CHD1L: variants seen among roughly 807,000 people sequenced by gnomAD.
The protein encoded by CHD1L is ATP-dependent chromatin remodeler CHD1L.
Under a neutral mutation model 115.9 loss-of-function variants are expected in CHD1L, and 118 were observed. The observed-to-expected ratio is 1.02, with a 90% CI of 0.88 to 1.19. The LOEUF is 1.19. Ranked by LOEUF, CHD1L falls within the 50% of genes most tolerant of loss-of-function variation. The pLI is 0.00. For missense variants in CHD1L, 1,179 were observed against 1,065.3 expected (o/e 1.11, Z -1.49); for synonymous variants, 411 against 387.1 (o/e 1.06, Z -0.72).
intron 1 of CHD1L, among the ~76,000 whole-genome samples, chr1:147,245,376 G>T (rs770792636): frequency 6.6e-6 from 1 of 152,162 alleles, no homozygotes. Context: ...TTGTTATCAT[G>T]GATTGTGGCT....
At chr1:147,234,185 T>C in the CHD1L span, among the ~76,000 whole-genome samples, 1 of 152,220 alleles carries the variant, frequency 6.6e-6, no homozygotes, top group Non-Finnish European at 1.5e-5. Context: ...GATTCTCTGT[T>C]GGATTACCAA....
the CHD1L span, among the ~76,000 whole-genome samples, chr1:147,230,843 A>T: frequency 2.0e-5 from 3 of 149,990 alleles, no homozygotes; most frequent in African/African-American, 7.4e-5. Flanking sequence ...TTTCTGTGGG[A>T]TTGGTGGTGA....
chr1:147,294,088 GAGTTT>G (rs1412623572), intron 21 of CHD1L, among the ~76,000 whole-genome samples: 1 of 152,152 alleles, frequency 6.6e-6, no homozygotes, highest in East Asian at 1.9e-4. Flanking sequence ...GACAAAAATT[GAGTTT>G]AGTTTTGTTT....
chr1:147,256,597 A>C (rs782390407), intron 5 of CHD1L, 35 bp downstream of exon 5: 2 of 1,588,614 alleles, frequency 1.3e-6, no homozygotes, highest in South Asian at 2.2e-5. Context: ...ACTTGGGTTG[A>C]ATGTATTATG....
chr1:147,280,035 A>G lies in CHD1L; in HGVS notation c.1549A>G (p.Ile517Val). ...GTTTCCTCTATTCAAGTTGAGTGAG[A>G]TACTCAAATTTGGTTTGGATAAACT... is the stretch of plus-strand genomic sequence containing the variant. ...AADADLQLSE[I>V]LKFGLDKLLA... is the part of the protein sequence containing the mutation. The change falls in exon 15 of 23, where the codon ATA becomes GTA. Residue 517 changes from isoleucine to valine, a missense_variant. Transcript: ENST00000369258. 3 of 1,613,908 alleles carry G rather than the reference A, an allele frequency of 1.9e-6. No individual in the cohort carries two copies. The highest frequency in any genetic ancestry group is 1.1e-5 in the South Asian group (1 of 91,068).
At chr1:147,252,500 A>T in intron 1 of CHD1L, 123 bp from the exon 2 acceptor site, 1 of 651,190 alleles carries the variant, frequency 1.5e-6, no homozygotes, top group Admixed American at 2.8e-5. Context: ...AGCAAAAGAT[A>T]CGTCCAGTGA....
intron 14 of CHD1L, among the ~76,000 whole-genome samples, chr1:147,279,481 C>T (rs913757106): frequency 1.3e-5 from 2 of 152,112 alleles, no homozygotes; most frequent in African/African-American, 2.4e-5. Context: ...AAAAGGCCTT[C>T]GGGTCTGGTG....
At chr1:147,191,432 C>G in the CHD1L span, among the ~76,000 whole-genome samples, 1 of 152,034 alleles carries the variant, frequency 6.6e-6, no homozygotes, top group Non-Finnish European at 1.5e-5. Context: ...CTCTGATGGC[C>G]AGCGATGATG....
At chr1:147,266,768 T>A (rs782202688) in intron 8 of CHD1L, among the ~76,000 whole-genome samples, 3 of 152,168 alleles carry the variant, frequency 2.0e-5, no homozygotes, top group Non-Finnish European at 2.9e-5. Context: ...AAGTTCTCAA[T>A]AAAAAAATGA....
the CHD1L span, among the ~76,000 whole-genome samples, chr1:147,193,036 G>A: frequency 3.9e-4 from 59 of 152,248 alleles, no homozygotes; most frequent in African/African-American, 1.1e-3. Context: ...AATGAGTTAG[G>A]GAAGATTCCT....
chr1:147,190,395 TACC>T, the CHD1L span: 6 of 565,446 alleles, frequency 1.1e-5, no homozygotes, highest in South Asian at 7.1e-5. Context: ...TTGATCACCT[TACC>T]ACCACCACAA....
the CHD1L span, among the ~76,000 whole-genome samples, chr1:147,206,816 GACAAGTTA>G: frequency 3.4e-5 from 1 of 29,228 alleles, no homozygotes; most frequent in African/African-American, 8.3e-4. Flanking sequence ...TGATGTAAAT[GACAAGTTA>G]ATGGATGTAA....
At chr1:147,271,277 A>G (rs1447043770) in intron 11 of CHD1L, among the ~76,000 whole-genome samples, 7 of 152,184 alleles carry the variant, frequency 4.6e-5, no homozygotes, top group Admixed American at 3.3e-4. Context: ...TGTTGTGGAA[A>G]TGTTTTTGAA....
chr1:147,178,076 C>T, the CHD1L span: 710 of 1,283,126 alleles, frequency 5.5e-4, 10 homozygotes, highest in Middle Eastern at 0.027. Context: ...CCAGTCGAGC[C>T]GCGACCCTTC....
At chr1:147,173,661 T>A in the CHD1L span, 2 of 152,232 alleles carry the variant, frequency 1.3e-5, no homozygotes, top group Admixed American at 1.3e-4. Context: ...TATAAGTATT[T>A]GCATGTCTCC....
At chr1:147,202,606 C>G in the CHD1L span, among the ~76,000 whole-genome samples, 2 of 152,150 alleles carry the variant, frequency 1.3e-5, no homozygotes, top group Non-Finnish European at 2.9e-5. Context: ...GCGTGAGCCA[C>G]AGCACCTGGC....
chr1:147,288,505 G>A (rs1426547145), intron 19 of CHD1L, among the ~76,000 whole-genome samples: 1 of 151,676 alleles, frequency 6.6e-6, no homozygotes, highest in African/African-American at 2.4e-5. Context: ...ATATGGCAAA[G>A]CCCTGTCTCT....
intron 12 of CHD1L, among the ~76,000 whole-genome samples, chr1:147,272,860 G>C (rs1676773753): frequency 6.7e-6 from 1 of 148,782 alleles, no homozygotes; most frequent in South Asian, 2.1e-4. Flanking sequence ...TTTGAAATCA[G>C]CTCTTGGAGA....
chr1:147,190,823 T>A, the CHD1L span, among the ~76,000 whole-genome samples: 1 of 151,948 alleles, frequency 6.6e-6, no homozygotes, highest in Non-Finnish European at 1.5e-5. Context: ...CGTAATGCTA[T>A]CCCTCCCCAC....
Sources: gnomAD v4.1 joint callset for allele counts (sites outside exome capture counted in the v4.1 genomes callset) on GRCh38, gnomAD v4.1.1 for gene constraint, MANE v1.5 for transcripts, NCBI Gene and HGNC (gene_info 2026-07-23, HGNC 2026-07-21) for gene names.